PPP4R4: variants seen among roughly 807,000 people sequenced by gnomAD.
The protein encoded by PPP4R4 is serine/threonine-protein phosphatase 4 regulatory subunit 4.
In PPP4R4, 70 loss-of-function variants were observed where a neutral mutation model predicts 121.8. The ratio of observed to expected loss-of-function variants is 0.57; its 90% CI spans 0.47 to 0.70. The LOEUF is 0.70. Ranked by LOEUF, PPP4R4 falls within the 30% of genes least tolerant of loss-of-function variation. The probability of loss-of-function intolerance (pLI) is 0.00; values close to 1 mark genes in which losing one functional copy is unlikely to be tolerated. For synonymous variants in PPP4R4, 348 were observed against 355.7 expected (o/e 0.98, Z 0.24); for missense variants, 875 against 1,033.6 (o/e 0.85, Z 2.10).
intron 23 of PPP4R4, among the ~76,000 whole-genome samples, chr14:94,268,919 A>T (rs1291475392): frequency 6.6e-6 from 1 of 152,164 alleles, no homozygotes; most frequent in East Asian, 1.9e-4. Flanking sequence ...CATGAGAGTA[A>T]ATATTTTATT....
intron 3 of PPP4R4, among the ~76,000 whole-genome samples, chr14:94,225,528 A>G (rs1339800362): frequency 2.0e-5 from 3 of 152,160 alleles, no homozygotes; most frequent in Non-Finnish European, 4.4e-5. Context: ...CAGTACCTGA[A>G]ATCAGGTTAA....
chr14:94,186,364 A>C (rs1298737427), intron 2 of PPP4R4, among the ~76,000 whole-genome samples: 3 of 151,762 alleles, frequency 2.0e-5, no homozygotes, highest in Non-Finnish European at 4.4e-5. Flanking sequence ...CATACAGTCT[A>C]CTCTTTTGTC....
intron 14 of PPP4R4, among the ~76,000 whole-genome samples, chr14:94,248,027 A>G (rs1892985433): frequency 6.6e-6 from 1 of 152,048 alleles, no homozygotes; most frequent in African/African-American, 2.4e-5. Context: ...CACTCATACC[A>G]CTCCTATTAA....
At chr14:94,195,160 C>T (rs564068742) in intron 2 of PPP4R4, among the ~76,000 whole-genome samples, 1 of 152,302 alleles carries the variant, frequency 6.6e-6, no homozygotes, top group South Asian at 2.1e-4. Context: ...TGTTAAGATT[C>T]TGCAGTCTCC....
At chr14:94,276,613 C>A in intron 24 of PPP4R4, among the ~76,000 whole-genome samples, 1 of 148,762 alleles carries the variant, frequency 6.7e-6, no homozygotes, top group East Asian at 2.0e-4. Flanking sequence ...CGAGAACTCA[C>A]TGTCACAAAG....
intron 3 of PPP4R4, among the ~76,000 whole-genome samples, chr14:94,225,126 A>G (rs1480198333): frequency 1.3e-5 from 2 of 152,184 alleles, no homozygotes; most frequent in Non-Finnish European, 2.9e-5. Flanking sequence ...TTAAATCAAG[A>G]AGGAATAATA....
chr14:94,266,057 C>A (rs1052305544), intron 22 of PPP4R4, among the ~76,000 whole-genome samples, 170 bp downstream of exon 22: 2 of 151,906 alleles, frequency 1.3e-5, no homozygotes, highest in East Asian at 3.8e-4. Context: ...AAATAAGAGA[C>A]CTCCAACAAT....
At chr14:94,175,127 T>G (rs1397810688) in intron 1 of PPP4R4, among the ~76,000 whole-genome samples, 2 of 98,976 alleles carry the variant, frequency 2.0e-5, no homozygotes, top group African/African-American at 8.0e-5. Flanking sequence ...TCCCCCCACC[T>G]CTCCCGGAGA....
At chr14:94,214,252 A>G (rs1050015437) in intron 3 of PPP4R4, among the ~76,000 whole-genome samples, 5 of 152,232 alleles carry the variant, frequency 3.3e-5, no homozygotes, top group Admixed American at 2.0e-4. Flanking sequence ...TTTGACACGT[A>G]CATGTAGAAT....
intron 3 of PPP4R4, among the ~76,000 whole-genome samples, chr14:94,224,245 T>G (rs1390675775): frequency 6.6e-6 from 1 of 152,148 alleles, no homozygotes; most frequent in Non-Finnish European, 1.5e-5. Context: ...ATGCAGATCC[T>G]TAGGTGCATT....
At chr14:94,275,663 C>A in intron 24 of PPP4R4, 142 bp downstream of exon 24, 1 of 923,690 alleles carries the variant, frequency 1.1e-6, no homozygotes, top group Non-Finnish European at 1.6e-6. Context: ...ATTATTGTCA[C>A]ATGTGACTCT....
At chr14:94,207,701 T>G (rs550430547) in intron 2 of PPP4R4, among the ~76,000 whole-genome samples, 13 of 151,712 alleles carry the variant, frequency 8.6e-5, no homozygotes, top group African/African-American at 2.9e-4. Context: ...TATATCTATA[T>G]CTATCTATCT....
At chr14:94,216,163 C>T (rs1013359311) in intron 3 of PPP4R4, among the ~76,000 whole-genome samples, 8 of 152,154 alleles carry the variant, frequency 5.3e-5, no homozygotes, top group Non-Finnish European at 1.0e-4. Context: ...CAAAGCAATC[C>T]GTTTCACTTC....
At chr14:94,258,207 T>C (rs1893580926) in intron 17 of PPP4R4, among the ~76,000 whole-genome samples, 1 of 152,186 alleles carries the variant, frequency 6.6e-6, no homozygotes, top group Admixed American at 6.5e-5. Flanking sequence ...AGGGTTACTC[T>C]TGTAGAATAA....
At chr14:94,175,123 C>A (rs1210881462) in intron 1 of PPP4R4, among the ~76,000 whole-genome samples, 4 of 151,968 alleles carry the variant, frequency 2.6e-5, no homozygotes, top group Admixed American at 1.3e-4. Flanking sequence ...CTCCTCCCCC[C>A]ACCTCTCCCG....
intron 14 of PPP4R4, among the ~76,000 whole-genome samples, chr14:94,247,051 C>T (rs937815665): frequency 6.6e-6 from 1 of 152,110 alleles, no homozygotes; most frequent in Non-Finnish European, 1.5e-5. Context: ...CATGGATGCC[C>T]TGCTATTGAT....
intron 2 of PPP4R4, among the ~76,000 whole-genome samples, chr14:94,199,688 T>C (rs924735955): frequency 6.6e-6 from 1 of 151,750 alleles, no homozygotes; most frequent in African/African-American, 2.4e-5. Context: ...GGAGTCGGGC[T>C]GCTTAGCAGC....
intron 12 of PPP4R4, among the ~76,000 whole-genome samples, chr14:94,245,241 A>G (rs970669792): frequency 6.6e-6 from 1 of 152,174 alleles, no homozygotes; most frequent in Non-Finnish European, 1.5e-5. Context: ...GCTCATGAAT[A>G]TTTTGATATC....
chr14:94,186,630 C>T (rs1183631345), intron 2 of PPP4R4, among the ~76,000 whole-genome samples: 1 of 152,082 alleles, frequency 6.6e-6, no homozygotes, highest in African/African-American at 2.4e-5. Context: ...AATTGCTGGA[C>T]CATATAGTAA....
Sources: allele counts gnomAD v4.1 joint callset (sites outside exome capture counted in the v4.1 genomes callset), GRCh38; gene constraint gnomAD v4.1.1; transcripts MANE v1.5; gene names NCBI Gene and HGNC (gene_info 2026-07-23, HGNC 2026-07-21).